Variants in NHSL1 observed in about 807,000 individuals in gnomAD.
NHSL1 encodes the protein NHS-like protein 1.
In NHSL1, 48 loss-of-function variants were observed where a neutral mutation model predicts 95.0. The observed-to-expected ratio is 0.51, with a 90% CI of 0.40 to 0.64. NHSL1 has a LOEUF of 0.64. Among genes scored for constraint, NHSL1 ranks in the 30% least tolerant of loss-of-function variants. The pLI is 0.00. For missense variants in NHSL1, 1,971 were observed against 2,077.7 expected (o/e 0.95, Z 1.00); for synonymous variants, 783 against 833.9 (o/e 0.94, Z 1.05).
intron 5 of NHSL1, among the ~76,000 whole-genome samples, chr6:138,438,277 C>G (rs1474803063): frequency 3.3e-5 from 5 of 152,156 alleles, no homozygotes; most frequent in Non-Finnish European, 4.4e-5. Flanking sequence ...CCTTCACCAG[C>G]AAAAAGATGA....
At chr6:138,601,580 G>A (rs1436144855) in intron 1 of NHSL1, among the ~76,000 whole-genome samples, 4 of 152,146 alleles carry the variant, frequency 2.6e-5, no homozygotes, top group Non-Finnish European at 4.4e-5. Flanking sequence ...CTCGGAGGCC[G>A]AGGCGGGCGG....
At chr6:138,575,418 T>C (rs746010212), upstream of NHSL1, among the ~76,000 whole-genome samples, 4 of 152,168 alleles carry the variant, frequency 2.6e-5, no homozygotes, top group Non-Finnish European at 5.9e-5. Flanking sequence ...AACTAGTCCA[T>C]TCAGGGACTA....
chr6:138,588,157 T>A (rs113315910), intron 1 of NHSL1, among the ~76,000 whole-genome samples: 2 of 152,142 alleles, frequency 1.3e-5, no homozygotes, highest in African/African-American at 4.8e-5. Flanking sequence ...ACAGACACAG[T>A]TTAAAATAAT....
At chr6:138,449,570 G>A (rs867171461) in intron 3 of NHSL1, among the ~76,000 whole-genome samples, 2 of 152,028 alleles carry the variant, frequency 1.3e-5, no homozygotes, top group African/African-American at 4.8e-5. Flanking sequence ...TCAGCTACTC[G>A]GGAGGTTAAG....
At position 138,553,230 on chromosome 6, in the gene NHSL1, C is replaced by T. The variant is rs531401348; in HGVS notation, c.202+18480G>A. 3.9e-5 allele frequency among the ~76,000 whole-genome samples: 6 copies of T among 152,268 alleles called. No homozygotes were observed. In the East Asian group the frequency reaches 5.8e-4, roughly 15 times the overall value. ...TAAGTGACCCCCTTGGTAAGCTCTG[C>T]GTCATATTCCATAGGGTCTTGTACC... On this transcript the variant is annotated intron_variant, in intron 1 of 6. Coordinates refer to the NHSL1 transcript ENST00000427025.
chr6:138,523,895 A>G (rs1448825455), intron 1 of NHSL1, among the ~76,000 whole-genome samples: 1 of 152,216 alleles, frequency 6.6e-6, no homozygotes, highest in Non-Finnish European at 1.5e-5. Context: ...CTTTAGGGAA[A>G]CAAAATAAAA....
intron 3 of NHSL1, among the ~76,000 whole-genome samples, chr6:138,472,474 G>GTAAATTTTCCTCAAATTTATTC (rs568104911): frequency 1.6e-3 from 236 of 152,246 alleles, no homozygotes; most frequent in Admixed American, 7.7e-3. Flanking sequence ...TGAGGAAAAG[G>GTAAATTTTCCTCAAATTTATTC]ACAATAAATT....
At position 138,514,098 on chromosome 6, in the gene NHSL1, C is replaced by G. The variant is rs1182211490; in HGVS notation, c.17-17727G>C. On this transcript the variant is annotated intron_variant, in intron 1 of 4. Transcript: ENST00000342260. ...TTGGGAGGCCAAGGCGGGCGGATCA[C>G]CTGAGGTCAGGAGTTCGAGACCAGC... Among the ~76,000 whole-genome samples the G allele has an allele frequency of 2.6e-5, 4 of 152,112 alleles. No homozygotes were observed. In the East Asian group the frequency reaches 7.7e-4, roughly 29 times the overall value.
At chr6:138,505,526 G>A (rs190638844) in intron 1 of NHSL1, among the ~76,000 whole-genome samples, 1 of 151,988 alleles carries the variant, frequency 6.6e-6, no homozygotes, top group East Asian at 1.9e-4. Flanking sequence ...GTGGTGGCAC[G>A]TGCCTGTAGT....
rs184908389 is a variant in NHSL1 at position 138,668,274 on chromosome 6, T to C, written c.96+24202A>G. 3.3e-3 allele frequency among the ~76,000 whole-genome samples: 509 copies of C among 152,202 alleles called. 1 individual carries two copies. Among genetic ancestry groups the C allele is most frequent in the Middle Eastern group, 6.8e-3 (2 of 294 alleles). ...TCTACTAAAAATACAAAATACCCCG[T>C]CTCTACTAAAAATATAAAATTAGCC... On this transcript the variant is annotated intron_variant, in intron 1 of 3. Transcript: ENST00000491526.
chr6:138,474,941 G>C (rs547777228), intron 2 of NHSL1, among the ~76,000 whole-genome samples: 2 of 152,268 alleles, frequency 1.3e-5, no homozygotes, highest in Admixed American at 1.3e-4. Flanking sequence ...CTGAGGTCGG[G>C]AATTCAAGAC....
intron 5 of NHSL1, chr6:138,435,331 G>C (rs907257872): frequency 3.3e-5 from 5 of 153,332 alleles, no homozygotes; most frequent in African/African-American, 9.7e-5. Context: ...AATTGTACTA[G>C]TTTTTGCATG....
intron 1 of NHSL1, chr6:138,650,108 C>T (rs1049515760): frequency 7.7e-6 from 4 of 522,370 alleles, no homozygotes; most frequent in Admixed American, 2.3e-5. Context: ...CCCGGCTGGG[C>T]GGGAGCACAT....
Position 138,598,849 on chromosome 6 carries a change from A to G in NHSL1, c.96+93627T>C, listed in dbSNP as rs546070355. Among the ~76,000 whole-genome samples, 5 of 152,262 alleles carry G rather than the reference A, an allele frequency of 3.3e-5. No individual in the cohort carries two copies. The East Asian group carries it at 7.7e-4, about 24-fold the overall frequency. Reference sequence around the variant, plus strand: ...TTCATTCAAAGACGACTGCATCCTCACACTCTTAAGTACAATAATGAAAAT... The same window carrying G: ...TTCATTCAAAGACGACTGCATCCTCGCACTCTTAAGTACAATAATGAAAAT... On this transcript the variant is annotated intron_variant, in intron 1 of 3. Transcript: ENST00000491526.
At chr6:138,470,453 A>G (rs1211723074) in intron 3 of NHSL1, 1 of 152,082 alleles carries the variant, frequency 6.6e-6, no homozygotes, top group Non-Finnish European at 1.5e-5. Context: ...ACACCCAGCT[A>G]GTTTTTGTTC....
At chr6:138,567,408 C>T (rs894182190) in intron 1 of NHSL1, among the ~76,000 whole-genome samples, 8 of 152,172 alleles carry the variant, frequency 5.3e-5, no homozygotes, top group Non-Finnish European at 8.8e-5. Flanking sequence ...GGATAACAAG[C>T]ATGAGCCACC....
intron 1 of NHSL1, among the ~76,000 whole-genome samples, chr6:138,566,597 C>T (rs946694029): frequency 4.0e-5 from 6 of 149,286 alleles, no homozygotes; most frequent in Non-Finnish European, 4.4e-5. Context: ...TAAAAAAAAA[C>T]CATATTTTTC....
chr6:138,614,157 A>G (rs1421139143), intron 1 of NHSL1, among the ~76,000 whole-genome samples: 1 of 152,170 alleles, frequency 6.6e-6, no homozygotes, highest in African/African-American at 2.4e-5. Flanking sequence ...GGCCAATGTA[A>G]TGTAAATAGA....
At chr6:138,453,268 C>A (rs1422841312) in intron 3 of NHSL1, among the ~76,000 whole-genome samples, 1 of 152,164 alleles carries the variant, frequency 6.6e-6, no homozygotes, top group African/African-American at 2.4e-5. Context: ...GCCACCATGC[C>A]CAGCCTAATT....
Sources: gnomAD v4.1 joint callset for allele counts (sites outside exome capture counted in the v4.1 genomes callset) on GRCh38, gnomAD v4.1.1 for gene constraint, MANE v1.5 for transcripts, NCBI Gene and HGNC (gene_info 2026-07-23, HGNC 2026-07-21) for gene names.